POLR2B: variants seen among roughly 807,000 people sequenced by gnomAD.
POLR2B encodes the protein RNA polymerase II subunit B, also known as DNA-directed RNA polymerase II subunit RPB2.
A neutral mutation model predicts 144.6 loss-of-function variants in POLR2B; 57 were observed. The observed-to-expected ratio is 0.39, with a 90% confidence interval of 0.32 to 0.49. POLR2B has a LOEUF of 0.49. Ranked by LOEUF, POLR2B falls within the 20% of genes least tolerant of loss-of-function variation. The probability of loss-of-function intolerance (pLI) is 0.83; values close to 1 mark genes in which losing one functional copy is unlikely to be tolerated. For synonymous variants in POLR2B, 442 were observed against 469.8 expected (o/e 0.94, Z 0.77); for missense variants, 595 against 1,467.4 (o/e 0.41, Z 9.71).
chr4:57,011,195 G>A (rs1032720916), intron 13 of POLR2B, 95 bp downstream of exon 13: 45 of 802,600 alleles, frequency 5.6e-5, no homozygotes, highest in Non-Finnish European at 6.9e-5. Flanking sequence ...TCTTTTCTTT[G>A]AACTTTATTC....
chr4:57,021,934 A>G (rs1163504653), intron 17 of POLR2B, among the ~76,000 whole-genome samples: 2 of 152,184 alleles, frequency 1.3e-5, no homozygotes, highest in East Asian at 3.8e-4. Context: ...TTTGACATAT[A>G]ATACTAGGTG....
Position 57,005,242 on chromosome 4 carries a change from A to G in POLR2B, c.901-4A>G. On this transcript the variant is annotated splice_polypyrimidine_tract_variant and splice_region_variant and intron_variant, in intron 7 of 24. Transcript: ENST00000314595. ...AAATAACTTTTATTTAAATTGTCTG[A>G]TAGGTTAAACCTTCTCTCGATGAAG... The G allele has an allele frequency of 2.0e-5, 30 of 1,491,028 alleles. No individual in the cohort carries two copies. Among genetic ancestry groups the G allele is most frequent in the Non-Finnish European group, 2.6e-5 (29 of 1,117,816 alleles). The allele number at this position is 1,491,028 out of a possible 1,614,324, so 92.4% of individuals were successfully genotyped here. A position where few individuals can be genotyped will look rare whatever the true frequency, so the allele number is the denominator to read the frequency against.
intron 7 of POLR2B, among the ~76,000 whole-genome samples, chr4:57,001,589 C>T (rs918704719): frequency 7.2e-5 from 11 of 152,128 alleles, no homozygotes; most frequent in Non-Finnish European, 4.4e-5. Context: ...ACTTTTTTGG[C>T]AGAAAAAATA....
intron 2 of POLR2B, 134 bp downstream of exon 2, chr4:56,986,560 G>T: frequency 1.9e-6 from 1 of 520,712 alleles, no homozygotes; most frequent in South Asian, 3.2e-5. Flanking sequence ...AACATTTTAA[G>T]TATTTCAGAT....
intron 4 of POLR2B, 21 bp downstream of exon 4, chr4:56,994,537 G>A: frequency 2.0e-6 from 3 of 1,488,050 alleles, no homozygotes; most frequent in Non-Finnish European, 1.9e-6. Flanking sequence ...ATTTTTCCTT[G>A]TCAGCAGTAG....
chr4:57,010,704 A>G, intron 11 of POLR2B, 44 bp from the exon 12 acceptor site: 1 of 1,512,002 alleles, frequency 6.6e-7, no homozygotes, highest in East Asian at 2.3e-5. Context: ...GAAGTTTGAT[A>G]GGCATGTAAA....
chr4:56,990,981 TAAA>T (rs570409226), intron 3 of POLR2B, 83 bp downstream of exon 3: 2 of 1,203,680 alleles, frequency 1.7e-6, no homozygotes, highest in Admixed American at 2.8e-5. Flanking sequence ...GCTTAAAGGT[TAAA>T]AAAAGTCAGT....
chr4:57,012,435 T>A (rs1439050743), intron 13 of POLR2B, among the ~76,000 whole-genome samples: 6 of 151,512 alleles, frequency 4.0e-5, no homozygotes, highest in African/African-American at 1.5e-4. Context: ...AAAAAATCAT[T>A]ACAATATATT....
intron 13 of POLR2B, among the ~76,000 whole-genome samples, chr4:57,014,628 G>T (rs1272748541): frequency 1.3e-5 from 2 of 149,804 alleles, no homozygotes; most frequent in African/African-American, 4.9e-5. Context: ...TTAGCCTCCT[G>T]AGTAGCCGGG....
intron 21 of POLR2B, 127 bp downstream of exon 21, chr4:57,024,239 T>A: frequency 3.8e-6 from 2 of 530,710 alleles, no homozygotes. Flanking sequence ...ACTTTTCTGC[T>A]TTCAAATTGC....
intron 11 of POLR2B, 80 bp from the exon 12 acceptor site, chr4:57,010,668 A>G (rs991153131): frequency 3.1e-5 from 44 of 1,398,642 alleles, no homozygotes; most frequent in Non-Finnish European, 4.0e-5. Context: ...TTGAAATCAC[A>G]TTGAAGGAAA....
chr4:57,003,379 A>G (rs1578572390), intron 7 of POLR2B, among the ~76,000 whole-genome samples: 1 of 151,710 alleles, frequency 6.6e-6, no homozygotes, highest in East Asian at 2.0e-4. Flanking sequence ...GCAGTGAGCC[A>G]AGATCACGTC....
In POLR2B at chr4:56,994,673, T is replaced by C. The variant is rs769673916; in HGVS notation, c.383T>C (p.Ile128Thr). The part of the protein sequence containing the change: ...LTYSAPLYVD[I>T]TKTVIKEGEE... ...TATTCTGCTCCGCTTTATGTTGATA[T>C]AACAAAAACAGTCATTAAAGAAGGT... Residue 128 changes from isoleucine (I) to threonine (T), a missense_variant, in exon 5 of 25, where the codon ATA becomes ACA. This residue lies in a region of POLR2B where 251 missense variants were observed against 567.3 expected (regional missense o/e 0.44). Transcript: ENST00000314595. 6.2e-7 allele frequency: 1 copy of C among 1,611,764 alleles called. No individual in the cohort carries two copies. Among genetic ancestry groups the C allele is most frequent in the Non-Finnish European group, 8.5e-7 (1 of 1,177,908 alleles).
At chr4:56,983,252 T>C (rs1722211173) in intron 1 of POLR2B, among the ~76,000 whole-genome samples, 1 of 152,228 alleles carries the variant, frequency 6.6e-6, no homozygotes, top group Admixed American at 6.5e-5. Flanking sequence ...TCTTGCATTA[T>C]GGGGTCTTTT....
chr4:56,996,278 A>ATATTT lies in POLR2B; in HGVS notation c.735+870_735+871insATTTT, dbSNP rs1488404814. Among the ~76,000 whole-genome samples the ATATTT allele has an allele frequency of 8.0e-4, 48 of 59,728 alleles. 1 individual carries two copies. The highest frequency in any genetic ancestry group is 1.2e-3 in the Non-Finnish European group (36 of 29,330). The allele number at this position is 59,728 out of a possible 152,430, so 39.2% of individuals were successfully genotyped here. A position where few individuals can be genotyped will look rare whatever the true frequency, so the allele number is the denominator to read the frequency against. On this transcript the variant is annotated intron_variant, in intron 6 of 24. Transcript: ENST00000314595. ...TGTGTGTGTGTATATATATATATAT[A>ATATTT]TTTTTTTTTTTTTTTTTTTTTGAGA...
chr4:56,998,199 T>G (rs1722748701), intron 6 of POLR2B, among the ~76,000 whole-genome samples: 1 of 152,046 alleles, frequency 6.6e-6, no homozygotes, highest in Non-Finnish European at 1.5e-5. Context: ...GAGTGCATGT[T>G]GTAGACATTT....
intron 23 of POLR2B, among the ~76,000 whole-genome samples, chr4:57,028,521 G>A (rs1006467956): frequency 1.3e-5 from 2 of 152,080 alleles, no homozygotes; most frequent in Admixed American, 1.3e-4. Context: ...TATTTTCACT[G>A]CTTCATTAAG....
At chr4:57,014,127 T>C (rs1483283099) in intron 13 of POLR2B, among the ~76,000 whole-genome samples, 4 of 152,192 alleles carry the variant, frequency 2.6e-5, no homozygotes, top group Admixed American at 6.5e-5. Flanking sequence ...GGACAGGCAG[T>C]AGACTAGGAA....
Position 57,030,692 on chromosome 4 carries a change from A to T in POLR2B, c.3436-207A>T, listed in dbSNP as rs1723887649. On this transcript the variant is annotated intron_variant, in intron 24 of 24. Coordinates refer to ENST00000314595, the MANE Select transcript of POLR2B (RefSeq NM_000938.3). ...GAAAACCTTTTAGTTGAGGTGGGTGAATATAAATTATGTCTGGCAGAATGG... is the reference window on the plus strand; with the variant it reads ...GAAAACCTTTTAGTTGAGGTGGGTGTATATAAATTATGTCTGGCAGAATGG... 8 of 560,812 alleles carry T rather than the reference A, an allele frequency of 1.4e-5. No individual in the cohort carries two copies. The East Asian group carries it at 2.2e-4, about 16-fold the overall frequency. 34.7% of individuals were successfully genotyped at this position (560,812 alleles called of 1,614,324 possible). A position where few individuals can be genotyped will look rare whatever the true frequency, so the allele number is the denominator to read the frequency against.
Sources: gnomAD v4.1 joint callset for allele counts (sites outside exome capture counted in the v4.1 genomes callset) on GRCh38, gnomAD v4.1.1 for gene constraint, gnomAD v4.1.1 regional missense constraint, MANE v1.5 for transcripts, NCBI Gene and HGNC (gene_info 2026-07-23, HGNC 2026-07-21) for gene names.